Variants in PPP2R5E observed in about 807,000 individuals in gnomAD.
PPP2R5E encodes protein phosphatase 2 regulatory subunit B'epsilon, also known as serine/threonine-protein phosphatase 2A 56 kDa regulatory subunit epsilon isoform.
PPP2R5E carries 4 observed loss-of-function variants against 65.3 expected under a neutral mutation model. The ratio of observed to expected loss-of-function variants is 0.06; its 90% CI spans 0.03 to 0.14. PPP2R5E has a LOEUF of 0.14. Ranked by LOEUF, PPP2R5E falls within the 10% of genes least tolerant of loss-of-function variation. PPP2R5E has a pLI of 1.00. For missense variants in PPP2R5E, 274 were observed against 556.1 expected (o/e 0.49, Z 5.10); for synonymous variants, 183 against 187.4 (o/e 0.98, Z 0.19).
intron 2 of PPP2R5E, among the ~76,000 whole-genome samples, chr14:63,482,615 G>A (rs1338100655): frequency 6.6e-6 from 1 of 152,060 alleles, no homozygotes; most frequent in Non-Finnish European, 1.5e-5. Context: ...AATATGAGAA[G>A]GCATGAAACA....
At chr14:63,507,673 A>C (rs931691528) in intron 2 of PPP2R5E, among the ~76,000 whole-genome samples, 4 of 139,056 alleles carry the variant, frequency 2.9e-5, no homozygotes, top group African/African-American at 1.1e-4. Context: ...TCCGCCTCCC[A>C]GGTTCACACC....
At chr14:63,502,165 G>T (rs1445900902) in intron 2 of PPP2R5E, among the ~76,000 whole-genome samples, 1 of 152,166 alleles carries the variant, frequency 6.6e-6, no homozygotes, top group Non-Finnish European at 1.5e-5. Context: ...AAAGTGGTGG[G>T]ATTACAGATG....
At chr14:63,474,359 A>T (rs1487367086) in intron 2 of PPP2R5E, among the ~76,000 whole-genome samples, 1 of 152,168 alleles carries the variant, frequency 6.6e-6, no homozygotes, top group Non-Finnish European at 1.5e-5. Flanking sequence ...TGAACAGAGG[A>T]GTCAGCAAGT....
At chr14:63,438,301 T>C (rs1888040420) in intron 3 of PPP2R5E, among the ~76,000 whole-genome samples, 1 of 152,170 alleles carries the variant, frequency 6.6e-6, no homozygotes, top group East Asian at 1.9e-4. Flanking sequence ...CATTTCTGTG[T>C]CTCCTCAGTA....
intron 2 of PPP2R5E, among the ~76,000 whole-genome samples, chr14:63,513,134 T>G (rs1215599883): frequency 6.6e-6 from 1 of 152,280 alleles, no homozygotes. Flanking sequence ...CTAGAGTTTA[T>G]AGGCCTAGTT....
chr14:63,499,483 G>A (rs142429897), intron 2 of PPP2R5E, among the ~76,000 whole-genome samples: 3,733 of 152,296 alleles, frequency 0.025, 105 homozygotes, highest in African/African-American at 0.07. Flanking sequence ...CCAGCACTTT[G>A]GGAGGCCGAG....
At chr14:63,517,597 A>C (rs1892716320) in intron 2 of PPP2R5E, among the ~76,000 whole-genome samples, 1 of 152,206 alleles carries the variant, frequency 6.6e-6, no homozygotes, top group South Asian at 2.1e-4. Context: ...AAGCACTGGT[A>C]CTGAAAAGCA....
At chr14:63,494,646 G>T (rs550828611) in intron 2 of PPP2R5E, among the ~76,000 whole-genome samples, 1 of 152,108 alleles carries the variant, frequency 6.6e-6, no homozygotes, top group African/African-American at 2.4e-5. Context: ...TGTAATCCCA[G>T]CATTTTGGGA....
intron 5 of PPP2R5E, among the ~76,000 whole-genome samples, chr14:63,398,141 G>C (rs1885522117): frequency 6.6e-6 from 1 of 152,188 alleles, no homozygotes. Context: ...GTCCAAAAGA[G>C]GTAACAAGCT....
At chr14:63,500,467 C>G (rs900315258) in intron 2 of PPP2R5E, among the ~76,000 whole-genome samples, 2 of 151,994 alleles carry the variant, frequency 1.3e-5, no homozygotes, top group African/African-American at 2.4e-5. Context: ...GGATTTAGGA[C>G]AAAATAATAA....
At chr14:63,420,194 C>T (rs1886926670) in intron 4 of PPP2R5E, among the ~76,000 whole-genome samples, 1 of 152,164 alleles carries the variant, frequency 6.6e-6, no homozygotes, top group South Asian at 2.1e-4. Context: ...GCTTTGAAGA[C>T]ATCTCTTTCC....
chr14:63,414,789 CTTT>C (rs1207474819), intron 5 of PPP2R5E, among the ~76,000 whole-genome samples: 1 of 152,186 alleles, frequency 6.6e-6, no homozygotes. Context: ...CACCACACTT[CTTT>C]AAGAATCCTT....
At chr14:63,523,592 G>A (rs953029026) in intron 2 of PPP2R5E, among the ~76,000 whole-genome samples, 12 of 150,088 alleles carry the variant, frequency 8.0e-5, no homozygotes, top group African/African-American at 2.5e-4. Flanking sequence ...AGGGTCCTCC[G>A]CCTAGGAAAA....
At chr14:63,397,882 C>G (rs914995324) in intron 5 of PPP2R5E, among the ~76,000 whole-genome samples, 2 of 152,002 alleles carry the variant, frequency 1.3e-5, no homozygotes, top group African/African-American at 4.8e-5. Flanking sequence ...CACCTACCAC[C>G]GTGCCCAGCT....
intron 5 of PPP2R5E, among the ~76,000 whole-genome samples, chr14:63,398,618 T>C (rs1263900516): frequency 6.6e-6 from 1 of 152,174 alleles, no homozygotes; most frequent in Non-Finnish European, 1.5e-5. Flanking sequence ...GGTGAAATCC[T>C]GTCTCCACTA....
rs1223325773 is a variant in PPP2R5E, at chr14:63,420,848, C to T, written c.456+1145G>A. On this transcript the variant is annotated intron_variant, in intron 4 of 13. Transcript: ENST00000337537. ...CGGGCGGATCACGAGGTCAAGAGAT[C>T]GAGACCATCCCGGCTAAAACGGTGA... 4.3e-5 allele frequency among the ~76,000 whole-genome samples: 6 copies of T among 139,372 alleles called. 1 individual carries two copies. Among genetic ancestry groups the T allele is most frequent in the African/African-American group, 1.5e-4 (5 of 33,718 alleles). The allele number at this position is 139,372 out of a possible 152,430, so 91.4% of individuals were successfully genotyped here.
chr14:63,477,834 A>T (rs1238527024), intron 2 of PPP2R5E, among the ~76,000 whole-genome samples: 1 of 151,542 alleles, frequency 6.6e-6, no homozygotes, highest in African/African-American at 2.4e-5. Flanking sequence ...GATTAGCATG[A>T]CCTCTTTTAA....
chr14:63,452,105 C>A (rs1888869277), intron 3 of PPP2R5E: 2 of 151,938 alleles, frequency 1.3e-5, no homozygotes, highest in Non-Finnish European at 2.9e-5. Flanking sequence ...AGTGTGCCAC[C>A]ATTTGTGTGC....
At chr14:63,429,581 G>A (rs978758884) in intron 3 of PPP2R5E, among the ~76,000 whole-genome samples, 1 of 152,122 alleles carries the variant, frequency 6.6e-6, no homozygotes, top group African/African-American at 2.4e-5. Context: ...GCATTAGAAA[G>A]AAACCAAAAT....
Sources: gnomAD v4.1 joint callset for allele counts (sites outside exome capture counted in the v4.1 genomes callset) on GRCh38, gnomAD v4.1.1 for gene constraint, MANE v1.5 for transcripts, NCBI Gene and HGNC (gene_info 2026-07-23, HGNC 2026-07-21) for gene names.